Variants in SCLT1 observed in about 807,000 individuals in gnomAD.
SCLT1 encodes the protein sodium channel-associated protein 1.
Under a neutral mutation model 112.8 loss-of-function variants are expected in SCLT1, and 78 were observed. The ratio of observed to expected loss-of-function variants is 0.69; its 90% confidence interval spans 0.58 to 0.83. The LOEUF is 0.83. SCLT1 is among the 40% of genes least tolerant of loss of function. The pLI is 0.00. For missense variants in SCLT1, 747 were observed against 770.4 expected (o/e 0.97, Z 0.36); for synonymous variants, 257 against 254.7 (o/e 1.01, Z -0.09).
chr4:129,004,566 TAA>T (rs2126090598), intron 5 of SCLT1, among the ~76,000 whole-genome samples: 1 of 152,108 alleles, frequency 6.6e-6, no homozygotes, highest in Admixed American at 6.6e-5. Context: ...AATACATACT[TAA>T]GAGAAAAAAA....
chr4:129,009,519 GAAAAAAAA>G (rs75119229), intron 5 of SCLT1, among the ~76,000 whole-genome samples: 17 of 92,926 alleles, frequency 1.8e-4, no homozygotes, highest in Non-Finnish European at 3.5e-4. Context: ...GTCTCAAAAA[GAAAAAAAA>G]AAAAAAAAGA....
chr4:128,884,120 A>G lies in SCLT1; in HGVS notation c.*357T>C, dbSNP rs1479417213. The G allele has an allele frequency of 6.0e-6, 1 of 167,684 alleles. No homozygotes were observed. Among genetic ancestry groups the G allele is most frequent in the South Asian group, 2.0e-4 (1 of 5,002 alleles). The allele number at this position is 167,684 out of a possible 1,614,324, so 10.4% of individuals were successfully genotyped here. ...CAAATCTTGGAAACTGAAATATTAAATTCTAGAATTTTCTTAAAAACTCTT... is the reference window on the plus strand; with the variant it reads ...CAAATCTTGGAAACTGAAATATTAAGTTCTAGAATTTTCTTAAAAACTCTT... On this transcript the variant is annotated 3_prime_UTR_variant, in exon 21 of 21. Coordinates refer to ENST00000281142, the MANE Select transcript of SCLT1 (RefSeq NM_144643.4).
At chr4:128,879,370 T>G (rs1402417934), downstream of SCLT1, among the ~76,000 whole-genome samples, 1 of 151,736 alleles carries the variant, frequency 6.6e-6, no homozygotes, top group Non-Finnish European at 1.5e-5. Context: ...CCAGATGAAT[T>G]ACATCCCATG....
chr4:129,042,603 T>C (rs754359584), intron 4 of SCLT1, among the ~76,000 whole-genome samples: 3 of 152,118 alleles, frequency 2.0e-5, no homozygotes, highest in African/African-American at 7.2e-5. Flanking sequence ...TCATGCAAGA[T>C]AGCAAGAGCA....
rs1395551303 is a variant in SCLT1, at chr4:128,959,797, C to A, written c.870-20G>T. The A allele has an allele frequency of 6.2e-7, 1 of 1,602,612 alleles. No homozygotes were observed. The highest frequency in any genetic ancestry group is 1.1e-5 in the South Asian group (1 of 90,450). ...CATAATCTAGAAATCAATAATTACACTGGGAAAGTTAAACTTTTTTAAAGG... is the reference window on the plus strand; with the variant it reads ...CATAATCTAGAAATCAATAATTACAATGGGAAAGTTAAACTTTTTTAAAGG... On this transcript the variant is annotated intron_variant, in intron 11 of 20. Transcript: ENST00000281142.
At chr4:129,076,130 T>C (rs1751443391) in intron 2 of SCLT1, among the ~76,000 whole-genome samples, 1 of 152,178 alleles carries the variant, frequency 6.6e-6, no homozygotes, top group Admixed American at 6.5e-5. Flanking sequence ...ACTGTAATTT[T>C]AATTATTTCA....
At chr4:128,990,941 C>T (rs992534537) in intron 9 of SCLT1, among the ~76,000 whole-genome samples, 2 of 151,490 alleles carry the variant, frequency 1.3e-5, no homozygotes, top group African/African-American at 2.4e-5. Context: ...TGACACAAAA[C>T]AATGGAAAGA....
At chr4:128,945,527 T>A (rs559271999) in intron 16 of SCLT1, among the ~76,000 whole-genome samples, 73 of 152,270 alleles carry the variant, frequency 4.8e-4, no homozygotes, top group African/African-American at 1.7e-3. Flanking sequence ...TTTTAGGCAA[T>A]TCAAATAAGA....
intron 18 of SCLT1, among the ~76,000 whole-genome samples, chr4:128,914,445 A>G (rs952224257): frequency 6.6e-6 from 1 of 152,158 alleles, no homozygotes; most frequent in Non-Finnish European, 1.5e-5. Flanking sequence ...TAAAATCTTA[A>G]ATAGAGTAAT....
At chr4:128,914,449 G>C (rs1735328418) in intron 18 of SCLT1, among the ~76,000 whole-genome samples, 1 of 151,966 alleles carries the variant, frequency 6.6e-6, no homozygotes, top group African/African-American at 2.4e-5. Flanking sequence ...ATCTTAAATA[G>C]AGTAATAAAA....
intron 19 of SCLT1, 42 bp downstream of exon 19, chr4:128,891,017 T>G: frequency 7.3e-7 from 1 of 1,370,820 alleles, no homozygotes; most frequent in Non-Finnish European, 1.0e-6. Context: ...ATGTGTATCA[T>G]GCTGCAGCAG....
intron 14 of SCLT1, among the ~76,000 whole-genome samples, chr4:128,949,174 T>C (rs1167501144): frequency 1.3e-5 from 2 of 151,570 alleles, no homozygotes; most frequent in Non-Finnish European, 2.9e-5. Context: ...CAATTATTTG[T>C]ATTTATACAT....
rs780625958 is a variant in SCLT1 at position 128,970,403 on chromosome 4, T to C, written c.752A>G (p.Asp251Gly). The C allele has an allele frequency of 9.4e-6, 15 of 1,601,684 alleles. No homozygotes were observed. Among genetic ancestry groups the C allele is most frequent in the Non-Finnish European group, 1.3e-5 (15 of 1,169,406 alleles). Residue 251 changes from aspartate (D) to glycine (G), a missense_variant, in exon 10 of 21, where the codon GAT becomes GGT. By Grantham distance (94) the Asp-to-Gly change is moderately conservative (BLOSUM62 -1). Around this residue, in one of 2 missense-constraint regions of SCLT1, gnomAD observed 723 missense variants for 721.3 expected, o/e 1.00. Transcript: ENST00000281142. ...KVEELTNVTE[D>G]LQGQMKKKEK... ...CTTCTTTTTCATCTGTCCCTGCAGATCTTCAGTCACATTAGTTAACTCTTC... is the reference window on the plus strand; with the variant it reads ...CTTCTTTTTCATCTGTCCCTGCAGACCTTCAGTCACATTAGTTAACTCTTC...
intron 2 of SCLT1, among the ~76,000 whole-genome samples, chr4:129,066,325 A>T (rs71613907): frequency 0.059 from 8,907 of 152,122 alleles, 316 homozygotes; most frequent in African/African-American, 0.09. Context: ...AGCAAGAATA[A>T]TCTCACCAAT....
At chr4:128,998,101 A>T (rs374023396) in intron 7 of SCLT1, among the ~76,000 whole-genome samples, 162 bp from the exon 8 acceptor site, 2 of 151,900 alleles carry the variant, frequency 1.3e-5, no homozygotes, top group African/African-American at 4.8e-5. Flanking sequence ...TGAAAAACTA[A>T]GAAATTTTTT....
intron 2 of SCLT1, among the ~76,000 whole-genome samples, chr4:129,058,128 T>C (rs1749612096): frequency 6.6e-6 from 1 of 152,230 alleles, no homozygotes; most frequent in Non-Finnish European, 1.5e-5. Context: ...ACTTTTTCCT[T>C]GGTTATTTTG....
intron 17 of SCLT1, among the ~76,000 whole-genome samples, chr4:128,939,536 C>T (rs901083601): frequency 6.6e-6 from 1 of 151,968 alleles, no homozygotes; most frequent in African/African-American, 2.4e-5. Flanking sequence ...TATGGTCTCT[C>T]TTCTTTCTTG....
chr4:128,875,514 C>G (rs1487663866), intron 4 of SCLT1, among the ~76,000 whole-genome samples: 1 of 152,180 alleles, frequency 6.6e-6, no homozygotes, highest in African/African-American at 2.4e-5. Context: ...ACTTCAGGGT[C>G]AGAGAGAACT....
intron 18 of SCLT1, among the ~76,000 whole-genome samples, chr4:128,895,960 C>G (rs1436007695): frequency 6.6e-6 from 1 of 152,206 alleles, no homozygotes; most frequent in Non-Finnish European, 1.5e-5. Context: ...AGTCTGAGAT[C>G]AAACTGCAAG....
Sources: allele counts gnomAD v4.1 joint callset (sites outside exome capture counted in the v4.1 genomes callset), GRCh38; gene constraint gnomAD v4.1.1; regional missense constraint gnomAD v4.1.1; transcripts MANE v1.5; gene names NCBI Gene and HGNC (gene_info 2026-07-23, HGNC 2026-07-21).